The following CD274 variants were observed in gnomAD, a reference collection of about 807,000 sequenced individuals.
CD274 encodes the protein CD274 molecule, also known as programmed cell death 1 ligand 1.
A neutral mutation model predicts 30.1 loss-of-function variants in CD274; 8 were observed. That is an observed-to-expected ratio of 0.27 (90% confidence interval 0.16 to 0.48). CD274 has a LOEUF of 0.48. Among genes scored for constraint, CD274 ranks in the 20% least tolerant of loss-of-function variants. CD274 has a pLI of 0.99. For missense variants in CD274, 353 were observed against 346.6 expected (o/e 1.02, Z -0.15); for synonymous variants, 152 against 124.6 (o/e 1.22, Z -1.46).
intron 3 of CD274, among the ~76,000 whole-genome samples, chr9:5,461,591 G>A (rs1257752034): frequency 1.3e-5 from 2 of 152,044 alleles, no homozygotes; most frequent in African/African-American, 4.8e-5. Flanking sequence ...CTTGGTAAAG[G>A]AATGGAGAAT....
chr9:5,450,630 GC>G (rs35608565), intron 1 of CD274, 34 bp downstream of exon 1: 1 of 152,284 alleles, frequency 6.6e-6, no homozygotes, highest in Admixed American at 6.5e-5. Context: ...GGTGCCCACG[GC>G]CCAGTATCTC....
At position 5,456,126 on chromosome 9, in the gene CD274, G is replaced by C. The variant is rs139709512; in HGVS notation, c.13G>C (p.Ala5Pro). ...GCATTCCAGAAAGATGAGGATATTT[G>C]CTGTCTTTATATTCATGACCTACTG... Reference protein sequence around the residue: MRIFAVFIFMTYWHL... With the variant: MRIFPVFIFMTYWHL... The change falls in exon 2 of 7, where the codon GCT (alanine) becomes CCT (proline). Residue 5 changes from alanine (A) to proline (P), a missense_variant. Transcript: ENST00000381577. The C allele has an allele frequency of 4.5e-4, 723 of 1,607,454 alleles. 5 individuals are homozygous for C. In the African/African-American group the frequency reaches 8.6e-3, roughly 19 times the overall value.
chr9:5,452,116 A>C (rs1819216865), intron 1 of CD274, among the ~76,000 whole-genome samples: 1 of 146,446 alleles, frequency 6.8e-6, no homozygotes, highest in Non-Finnish European at 1.5e-5. Context: ...TCCCGGGTTC[A>C]AGTGATTCTC....
chr9:5,461,370 C>T (rs1029682400), intron 3 of CD274, among the ~76,000 whole-genome samples: 1 of 152,052 alleles, frequency 6.6e-6, no homozygotes, highest in Non-Finnish European at 1.5e-5. Context: ...TTTGAAAATC[C>T]GTAGCTACCC....
intron 6 of CD274, 119 bp downstream of exon 6, chr9:5,466,948 T>A (rs1819507093): frequency 2.8e-6 from 2 of 711,174 alleles, no homozygotes; most frequent in African/African-American, 1.8e-5. Context: ...CTGGTTCCCC[T>A]TTGCCTCACA....
At position 5,466,833 on chromosome 9, in the gene CD274, A is replaced by C; in HGVS notation, c.850+4A>C. The C allele has an allele frequency of 2.5e-6, 4 of 1,604,854 alleles. No individual in the cohort carries two copies. Among genetic ancestry groups the C allele is most frequent in the Non-Finnish European group, 3.4e-6 (4 of 1,173,376 alleles). ...ACAAACTCAAAGAAGCAAAGTGGTA[A>C]GAATATCAGAAGGAATTGGGAAGTA... On this transcript the variant is annotated splice_donor_region_variant and intron_variant, in intron 6 of 6. Transcript: ENST00000381577.
chr9:5,461,530 G>T (rs1399389082), intron 3 of CD274, among the ~76,000 whole-genome samples: 1 of 151,902 alleles, frequency 6.6e-6, no homozygotes, highest in Non-Finnish European at 1.5e-5. Flanking sequence ...GATCCTAGCC[G>T]TTTTGTATTA....
At chr9:5,461,171 G>T (rs939072336) in intron 3 of CD274, among the ~76,000 whole-genome samples, 1 of 152,076 alleles carries the variant, frequency 6.6e-6, no homozygotes, top group African/African-American at 2.4e-5. Context: ...ACACTGCGAG[G>T]TCTAATTAAG....
intron 1 of CD274, among the ~76,000 whole-genome samples, chr9:5,452,304 A>G (rs1260107875): frequency 6.6e-6 from 1 of 152,188 alleles, no homozygotes; most frequent in African/African-American, 2.4e-5. Flanking sequence ...GGCATGAGCC[A>G]CTGCTCCTGG....
intron 6 of CD274, among the ~76,000 whole-genome samples, chr9:5,467,279 G>A (rs1819513198): frequency 6.6e-6 from 1 of 152,138 alleles, no homozygotes; most frequent in Middle Eastern, 3.4e-3. Context: ...GGGTCAAGAA[G>A]ATAATGTAAA....
chr9:5,462,964 G>A lies in CD274; in HGVS notation c.525G>A (p.Leu175=), dbSNP rs569746752. 1.9e-6 allele frequency: 3 copies of A among 1,614,048 alleles called. No individual in the cohort carries two copies. The highest frequency in any genetic ancestry group is 2.2e-5 in the South Asian group (2 of 91,072). The change falls in exon 4 of 7, where the codon CTG becomes CTA. Residue 175 remains leucine (L), a synonymous_variant. Transcript: ENST00000381577. ...GGACAAGCAGTGACCATCAAGTCCT[G>A]AGTGGTAAGACCACCACCACCAATT... ...VIWTSSDHQV[L]SGKTTTTNSK...
At chr9:5,465,086 C>CA (rs1263982025) in intron 4 of CD274, among the ~76,000 whole-genome samples, 25,614 of 84,056 alleles carry the variant, frequency 0.3, 2,797 homozygotes, top group Middle Eastern at 0.44. Context: ...GACTCTGCCT[C>CA]AAAAAAAAAA....
At position 5,468,272 on chromosome 9, in the gene CD274, G is replaced by A; in HGVS notation, c.*410G>A. 1 of 275,560 alleles carries A rather than the reference G, an allele frequency of 3.6e-6. No homozygotes were observed. Among genetic ancestry groups the A allele is most frequent in the Non-Finnish European group, 6.9e-6 (1 of 145,642 alleles). 17.1% of individuals were successfully genotyped at this position (275,560 alleles called of 1,614,324 possible). ...GCCTCAATTTGTTTTCTGCATGACT[G>A]AGAGTCTCAGTGTTGGAACGGGACA... On this transcript the variant is annotated 3_prime_UTR_variant, in exon 7 of 7. Transcript: ENST00000381577.
At position 5,466,776 on chromosome 9, in the gene CD274, T is replaced by C; in HGVS notation, c.797T>C (p.Met266Thr). 1.2e-6 allele frequency: 2 copies of C among 1,609,828 alleles called. No individual in the cohort carries two copies. Among genetic ancestry groups the C allele is most frequent in the South Asian group, 1.1e-5 (1 of 90,876 alleles). Residue 266 changes from methionine to threonine, a missense_variant, in exon 6 of 7, where the codon ATG becomes ACG. Coordinates refer to ENST00000381577, the MANE Select transcript of CD274 (RefSeq NM_014143.4). ...TFIFRLRKGR[M>T]MDVKKCGIQD... is the part of the protein sequence containing the mutation. ...ATGATTTCTTTTTCTCAAGGGAGAA[T>C]GATGGATGTGAAAAAATGTGGCATC...
At chr9:5,461,185 T>G (rs1414829769) in intron 3 of CD274, among the ~76,000 whole-genome samples, 2 of 152,194 alleles carry the variant, frequency 1.3e-5, no homozygotes, top group Non-Finnish European at 2.9e-5. Flanking sequence ...AATTAAGTAC[T>G]TACTGTTTAC....
At position 5,468,225 on chromosome 9, in the gene CD274, G is replaced by C. The variant is rs1306171877; in HGVS notation, c.*363G>C. 3 of 315,522 alleles carry C rather than the reference G, an allele frequency of 9.5e-6. No homozygotes were observed. The highest frequency in any genetic ancestry group is 1.8e-5 in the Non-Finnish European group (3 of 170,590). 19.5% of individuals were successfully genotyped at this position (315,522 alleles called of 1,614,324 possible). ...AATTTGAGGGTCAGTTCCTGCAGAA[G>C]TGCCCTTTGCCTCCACTCAATGCCT... On this transcript the variant is annotated 3_prime_UTR_variant, in exon 7 of 7. Coordinates refer to ENST00000381577, the MANE Select transcript of CD274 (RefSeq NM_014143.4).
rs1235828427 is a variant in CD274 at position 5,470,334 on chromosome 9, TC to T, written c.*2474del. ...CAGTCTATTCCTAAGTCCTAACTCC[TC>T]CTTGTGGTGTTGGATTTGTAAGGCA... is the stretch of plus-strand genomic sequence containing the variant. On this transcript the variant is annotated 3_prime_UTR_variant, in exon 7 of 7. Coordinates refer to ENST00000381577, the MANE Select transcript of CD274 (RefSeq NM_014143.4). The T allele has an allele frequency of 1.3e-5, 3 of 232,510 alleles. No individual in the cohort carries two copies. The Admixed American group carries it at 1.7e-4, about 13-fold the overall frequency. The allele number at this position is 232,510 out of a possible 1,614,324, so 14.4% of individuals were successfully genotyped here.
chr9:5,467,895 G>T lies in CD274; in HGVS notation c.*33G>T, dbSNP rs1227393361. On this transcript the variant is annotated 3_prime_UTR_variant, in exon 7 of 7. Coordinates refer to ENST00000381577, the MANE Select transcript of CD274 (RefSeq NM_014143.4). ...TTGGAACTTCTGATCTTCAAGCAGGGATTCTCAACCTGTGGTTTAGGGGTT... is the reference window on the plus strand; with the variant it reads ...TTGGAACTTCTGATCTTCAAGCAGGTATTCTCAACCTGTGGTTTAGGGGTT... 3 of 1,595,300 alleles carry T rather than the reference G, an allele frequency of 1.9e-6. No homozygotes were observed. The highest frequency in any genetic ancestry group is 4.5e-5 in the East Asian group (2 of 44,806).
chr9:5,450,838 C>G (rs1819189871), intron 1 of CD274, among the ~76,000 whole-genome samples: 2 of 152,210 alleles, frequency 1.3e-5, no homozygotes, highest in South Asian at 4.1e-4. Flanking sequence ...ATTTATACCT[C>G]TAAAAATAAA....
Sources: allele counts gnomAD v4.1 joint callset (sites outside exome capture counted in the v4.1 genomes callset), GRCh38; gene constraint gnomAD v4.1.1; transcripts MANE v1.5; gene names NCBI Gene and HGNC (gene_info 2026-07-23, HGNC 2026-07-21).